The following CCSER1 variants were observed in gnomAD, a reference collection of about 807,000 sequenced individuals.
CCSER1 encodes coiled-coil serine rich protein 1.
Under a neutral mutation model 82.0 loss-of-function variants are expected in CCSER1, and 41 were observed. The ratio of observed to expected loss-of-function variants is 0.50; its 90% CI spans 0.39 to 0.65. CCSER1 has a LOEUF of 0.65. CCSER1 is among the 30% of genes least tolerant of loss of function. CCSER1 has a pLI of 0.00. For synonymous variants in CCSER1, 414 were observed against 383.9 expected (o/e 1.08, Z -0.92); for missense variants, 1,119 against 1,064.2 (o/e 1.05, Z -0.72).
intron 10 of CCSER1, among the ~76,000 whole-genome samples, chr4:91,285,415 G>A (rs906555275): frequency 2.6e-5 from 4 of 151,400 alleles, no homozygotes; most frequent in Admixed American, 6.6e-5. Flanking sequence ...AGCCATAAGC[G>A]GAAATATAAA....
chr4:90,992,439 T>C (rs1248259468), intron 9 of CCSER1, among the ~76,000 whole-genome samples: 2 of 152,036 alleles, frequency 1.3e-5, no homozygotes, highest in Non-Finnish European at 2.9e-5. Context: ...AGTAATGATA[T>C]TACAACAATT....
At chr4:90,435,661 G>A (rs772083846) in intron 4 of CCSER1, among the ~76,000 whole-genome samples, 1 of 152,110 alleles carries the variant, frequency 6.6e-6, no homozygotes, top group African/African-American at 2.4e-5. Context: ...CAAATTAACA[G>A]TGTTTTACTT....
At chr4:90,184,153 A>C (rs1734191623) in intron 1 of CCSER1, among the ~76,000 whole-genome samples, 1 of 152,094 alleles carries the variant, frequency 6.6e-6, no homozygotes. Context: ...CATGGCTCGA[A>C]AGTGACAAGT....
intron 4 of CCSER1, among the ~76,000 whole-genome samples, chr4:90,417,604 G>A (rs1756016108): frequency 6.6e-6 from 1 of 151,998 alleles, no homozygotes; most frequent in Non-Finnish European, 1.5e-5. Context: ...AAACACCTAG[G>A]GCAGTGTCTC....
chr4:91,443,015 A>G (rs1202736594), intron 10 of CCSER1, among the ~76,000 whole-genome samples: 1 of 152,130 alleles, frequency 6.6e-6, no homozygotes, highest in East Asian at 1.9e-4. Flanking sequence ...ACACTTTTAC[A>G]CTGTTGGTGG....
chr4:90,391,373 G>C (rs1329385615), intron 3 of CCSER1, among the ~76,000 whole-genome samples: 1 of 141,538 alleles, frequency 7.1e-6, no homozygotes, highest in African/African-American at 2.6e-5. Context: ...CATTTAGCCT[G>C]ATGTGATTAT....
Position 90,411,411 on chromosome 4 carries a change from A to G in CCSER1, c.1603+11282A>G, listed in dbSNP as rs1188719205. 3.9e-5 allele frequency among the ~76,000 whole-genome samples: 6 copies of G among 152,346 alleles called. No individual in the cohort carries two copies. In the South Asian group the frequency reaches 1.0e-3, roughly 26 times the overall value. On this transcript the variant is annotated intron_variant, in intron 4 of 10. Transcript: ENST00000509176. ...GCAAACTGAATCCAGCAACACATCA[A>G]AATCTTATCCACCACGATCACATGG...
At chr4:91,169,213 A>AT (rs1732496338) in intron 10 of CCSER1, among the ~76,000 whole-genome samples, 1 of 144,616 alleles carries the variant, frequency 6.9e-6, no homozygotes, top group Non-Finnish European at 1.5e-5. Context: ...AAAAAAAAAA[A>AT]AAAAAAAGAT....
intron 4 of CCSER1, among the ~76,000 whole-genome samples, chr4:90,439,864 T>C (rs1578473558): frequency 6.6e-6 from 1 of 152,322 alleles, no homozygotes; most frequent in South Asian, 2.1e-4. Flanking sequence ...TCTATGCAAC[T>C]TGGAGTATTT....
chr4:91,590,241 T>A (rs1764200446), intron 10 of CCSER1, among the ~76,000 whole-genome samples: 1 of 152,062 alleles, frequency 6.6e-6, no homozygotes, highest in African/African-American at 2.4e-5. Flanking sequence ...GAAGAAGTAG[T>A]TTAACTCTGG....
chr4:91,554,586 GACT>G lies in CCSER1; in HGVS notation c.2218-43983_2218-43981del, dbSNP rs370810549. 2.8e-3 allele frequency among the ~76,000 whole-genome samples: 427 copies of G among 151,218 alleles called. 8 individuals are homozygous for G. Among genetic ancestry groups the G allele is most frequent in the South Asian group, 0.017 (81 of 4,800 alleles). On this transcript the variant is annotated intron_variant, in intron 10 of 10. Coordinates refer to ENST00000509176, the MANE Select transcript of CCSER1 (RefSeq NM_001145065.2). ...AATGGAAAAATATCCTGTGTTGAAGGACTACAAGAAATAATAATGTAAAAATGT... is the reference window on the plus strand; with the variant it reads ...AATGGAAAAATATCCTGTGTTGAAGGACAAGAAATAATAATGTAAAAATGT...
chr4:90,379,236 G>T (rs1195060098), intron 3 of CCSER1, among the ~76,000 whole-genome samples: 1 of 152,094 alleles, frequency 6.6e-6, no homozygotes, highest in Admixed American at 6.6e-5. Flanking sequence ...TCCCTATTTT[G>T]TACTCCCATC....
intron 4 of CCSER1, among the ~76,000 whole-genome samples, chr4:90,442,826 A>C (rs959951335): frequency 6.6e-6 from 1 of 152,132 alleles, no homozygotes; most frequent in Non-Finnish European, 1.5e-5. Flanking sequence ...CCTGGGAGGG[A>C]ATTACTGGGA....
intron 9 of CCSER1, among the ~76,000 whole-genome samples, chr4:91,055,988 G>T (rs147334102): frequency 6.6e-6 from 1 of 151,776 alleles, no homozygotes; most frequent in Admixed American, 6.6e-5. Flanking sequence ...CCTCTTATGC[G>T]TTTTTCATTT....
chr4:90,307,940 A>G (rs969230454), intron 1 of CCSER1, among the ~76,000 whole-genome samples: 1 of 152,206 alleles, frequency 6.6e-6, no homozygotes, highest in African/African-American at 2.4e-5. Context: ...TGGAACAGCT[A>G]TAAGTAGGAA....
At chr4:90,697,321 C>A (rs141065769) in intron 6 of CCSER1, among the ~76,000 whole-genome samples, 1 of 152,084 alleles carries the variant, frequency 6.6e-6, no homozygotes, top group Non-Finnish European at 1.5e-5. Context: ...TTGTAAAGTT[C>A]AAGATGAGAA....
chr4:90,445,626 G>T (rs1018008563), intron 4 of CCSER1, among the ~76,000 whole-genome samples: 2 of 152,076 alleles, frequency 1.3e-5, no homozygotes, highest in Non-Finnish European at 2.9e-5. Context: ...AAATCTGTTA[G>T]TAAAGTATGA....
chr4:90,354,045 T>C (rs1743982008), intron 3 of CCSER1, among the ~76,000 whole-genome samples: 1 of 152,210 alleles, frequency 6.6e-6, no homozygotes, highest in Admixed American at 6.5e-5. Context: ...AAACATTCTA[T>C]ATGTGCACCA....
chr4:91,126,459 A>G (rs1447562769), intron 10 of CCSER1, among the ~76,000 whole-genome samples: 1 of 151,914 alleles, frequency 6.6e-6, no homozygotes, highest in East Asian at 1.9e-4. Context: ...GAATTTCCAA[A>G]TATGTGTCAG....
Sources: gnomAD v4.1 joint callset for allele counts (sites outside exome capture counted in the v4.1 genomes callset) on GRCh38, gnomAD v4.1.1 for gene constraint, MANE v1.5 for transcripts, NCBI Gene and HGNC (gene_info 2026-07-23, HGNC 2026-07-21) for gene names.